The following DLGAP2 variants were observed in gnomAD, a reference collection of about 807,000 sequenced individuals.
The protein encoded by DLGAP2 is disks large-associated protein 2.
A neutral mutation model predicts 100.3 loss-of-function variants in DLGAP2; 26 were observed. The ratio of observed to expected loss-of-function variants is 0.26; its 90% CI spans 0.19 to 0.36. The LOEUF is 0.36. Among genes scored for constraint, DLGAP2 ranks in the 10% least tolerant of loss-of-function variants. The probability of loss-of-function intolerance (pLI) is 1.00; values close to 1 mark genes in which losing one functional copy is unlikely to be tolerated. For missense variants in DLGAP2, 1,858 were observed against 1,453.2 expected (o/e 1.28, Z -4.53); for synonymous variants, 886 against 630.1 (o/e 1.41, Z -6.08).
intron 3 of DLGAP2, among the ~76,000 whole-genome samples, chr8:1,374,122 T>TTCTCCCTGCCCCACGGTGGTCCCATGC (rs1802329722): frequency 6.9e-6 from 1 of 145,762 alleles, no homozygotes; most frequent in East Asian, 2.0e-4. Context: ...TGGTGGAGGT[T>TTCTCCCTGCCCCACGGTGGTCCCATGC]AGGTTAGGTT....
At chr8:772,121 G>C (rs1455067089) in intron 1 of DLGAP2, among the ~76,000 whole-genome samples, 1 of 152,032 alleles carries the variant, frequency 6.6e-6, no homozygotes, top group East Asian at 1.9e-4. Flanking sequence ...GGCTGCTCTT[G>C]ACCTCCTGGG....
chr8:1,160,121 G>C (rs545404637), intron 2 of DLGAP2, among the ~76,000 whole-genome samples: 1 of 152,354 alleles, frequency 6.6e-6, no homozygotes, highest in East Asian at 1.9e-4. Context: ...CGGCCCGTGG[G>C]TTCGGAATTG....
chr8:1,652,218 C>T (rs1195523761), intron 8 of DLGAP2, among the ~76,000 whole-genome samples: 4 of 152,174 alleles, frequency 2.6e-5, no homozygotes, highest in Admixed American at 6.5e-5. Context: ...GAGGTTCTTA[C>T]GTGAAGATGC....
intron 3 of DLGAP2, among the ~76,000 whole-genome samples, chr8:1,362,396 A>T (rs555901995): frequency 4.6e-4 from 62 of 135,636 alleles, no homozygotes; most frequent in African/African-American, 1.9e-3. Context: ...CCCATGTCCC[A>T]TGCGGACAGC....
chr8:1,494,957 G>GTAGGGTGT (rs1347102276), intron 3 of DLGAP2, among the ~76,000 whole-genome samples: 1 of 152,212 alleles, frequency 6.6e-6, no homozygotes, highest in East Asian at 1.9e-4. Flanking sequence ...TGACAGAGTG[G>GTAGGGTGT]TAGGGTGTTA....
intron 6 of DLGAP2, among the ~76,000 whole-genome samples, chr8:1,609,457 C>T (rs1405784452): frequency 3.6e-5 from 5 of 137,322 alleles, no homozygotes; most frequent in Non-Finnish European, 8.1e-5. Flanking sequence ...TAAAGACCAT[C>T]GAGACTAGGA....
chr8:855,385 G>T (rs1410348595), intron 1 of DLGAP2, among the ~76,000 whole-genome samples: 1 of 152,182 alleles, frequency 6.6e-6, no homozygotes, highest in East Asian at 1.9e-4. Context: ...GACCAAAGCT[G>T]AGTGTGAGCT....
chr8:1,552,445 C>G (rs987447911), intron 5 of DLGAP2, among the ~76,000 whole-genome samples: 1 of 152,208 alleles, frequency 6.6e-6, no homozygotes, highest in African/African-American at 2.4e-5. Flanking sequence ...ATCTATGAAG[C>G]TGAATATCAG....
intron 3 of DLGAP2, among the ~76,000 whole-genome samples, chr8:1,440,730 A>T (rs1044599746): frequency 6.6e-6 from 1 of 152,120 alleles, no homozygotes; most frequent in Non-Finnish European, 1.5e-5. Flanking sequence ...CAGAGAAGCA[A>T]CCCCGACATT....
intron 3 of DLGAP2, among the ~76,000 whole-genome samples, chr8:1,413,190 T>A (rs999096712): frequency 2.1e-4 from 32 of 152,330 alleles, no homozygotes; most frequent in African/African-American, 7.7e-4. Context: ...GTCTCCCTCC[T>A]CTCTGTAGCA....
At chr8:1,281,198 G>A (rs890723036) in intron 3 of DLGAP2, among the ~76,000 whole-genome samples, 1 of 152,200 alleles carries the variant, frequency 6.6e-6, no homozygotes, top group Non-Finnish European at 1.5e-5. Context: ...TCCTATAGAT[G>A]TCTCAGCAGT....
chr8:1,425,109 G>C (rs150594172), intron 3 of DLGAP2, among the ~76,000 whole-genome samples: 3 of 152,102 alleles, frequency 2.0e-5, no homozygotes, highest in Admixed American at 6.5e-5. Flanking sequence ...TGCCAACTAA[G>C]GTAGTTTTTA....
At chr8:1,473,112 G>C (rs533287906) in intron 3 of DLGAP2, among the ~76,000 whole-genome samples, 1 of 152,292 alleles carries the variant, frequency 6.6e-6, no homozygotes, top group South Asian at 2.1e-4. Context: ...GGTATTTTTA[G>C]TAGAGACAGC....
rs140147393 is a variant in DLGAP2, at chr8:1,025,054, G to A, written c.73+117088G>A. On this transcript the variant is annotated intron_variant, in intron 2 of 14. Transcript: ENST00000637795. ...CCCTCTCCTGTGTGTGTGCATATGC[G>A]TGCATGTGCATGTGTGTGCATGTGT... Among the ~76,000 whole-genome samples the A allele has an allele frequency of 6.6e-4, 100 of 152,102 alleles. 1 individual carries two copies. Among genetic ancestry groups the A allele is most frequent in the Admixed American group, 4.0e-3 (61 of 15,262 alleles).
intron 1 of DLGAP2, among the ~76,000 whole-genome samples, chr8:858,512 G>GTGCTGTCACCGTGGGCACGTGTAA (rs1797325237): frequency 1.3e-5 from 2 of 149,384 alleles, no homozygotes; most frequent in Non-Finnish European, 3.0e-5. Flanking sequence ...CACATGTGTG[G>GTGCTGTCACCGTGGGCACGTGTAA]TGCTGTCACC....
chr8:827,380 T>C (rs1173255001), intron 1 of DLGAP2, among the ~76,000 whole-genome samples: 1 of 152,224 alleles, frequency 6.6e-6, no homozygotes, highest in Non-Finnish European at 1.5e-5. Context: ...TTCATTTAAA[T>C]GGATTATTTT....
At chr8:1,357,768 G>T (rs1408301386) in intron 3 of DLGAP2, among the ~76,000 whole-genome samples, 2 of 152,212 alleles carry the variant, frequency 1.3e-5, no homozygotes, top group African/African-American at 2.4e-5. Flanking sequence ...CTGTGGTTCT[G>T]AGCAGCCTCG....
At chr8:781,077 C>A (rs1406844613) in intron 1 of DLGAP2, among the ~76,000 whole-genome samples, 1 of 152,064 alleles carries the variant, frequency 6.6e-6, no homozygotes, top group Non-Finnish European at 1.5e-5. Context: ...TATAGATAAC[C>A]CCTTTTTTTG....
intron 2 of DLGAP2, among the ~76,000 whole-genome samples, chr8:1,063,938 A>G (rs1803166211): frequency 6.6e-6 from 1 of 152,214 alleles, no homozygotes; most frequent in Admixed American, 6.5e-5. Flanking sequence ...CTGTTTAGCA[A>G]CAAGTGCTGG....
Sources: gnomAD v4.1 joint callset for allele counts (sites outside exome capture counted in the v4.1 genomes callset) on GRCh38, gnomAD v4.1.1 for gene constraint, MANE v1.5 for transcripts, NCBI Gene and HGNC (gene_info 2026-07-23, HGNC 2026-07-21) for gene names.